IP6K1: variants seen among roughly 807,000 people sequenced by gnomAD.
IP6K1 encodes ATP:1D-myo-inositol-hexakisphosphate phosphotransferase.
In IP6K1, 13 loss-of-function variants were observed where a neutral mutation model predicts 38.3. That is an observed-to-expected ratio of 0.34 (90% CI 0.22 to 0.54). The LOEUF (loss-of-function observed/expected upper bound fraction) is 0.54, where lower values mean the gene tolerates loss of function less well. IP6K1 is among the 20% of genes least tolerant of loss of function. The pLI, the probability that IP6K1 is intolerant of heterozygous loss-of-function variation, is 0.92. For missense variants in IP6K1, 397 were observed against 599.8 expected, an observed-to-expected ratio of 0.66 and a Z score of 3.53; for synonymous variants, 212 against 229.9, an observed-to-expected ratio of 0.92 and a Z score of 0.70.
chr3:49,786,001 T>C (rs943246025), intron 1 of IP6K1: 1 of 152,408 alleles, frequency 6.6e-6, no homozygotes, highest in South Asian at 2.1e-4. Context: ...GGTAAGTCTA[T>C]TTCTCAGCCA....
chr3:49,735,517 G>A (rs1030207554), intron 3 of IP6K1, among the ~76,000 whole-genome samples: 27 of 152,226 alleles, frequency 1.8e-4, no homozygotes, highest in African/African-American at 6.5e-4. Context: ...GAGTGAAGGG[G>A]AAGCACTAGA....
intron 3 of IP6K1, among the ~76,000 whole-genome samples, chr3:49,733,775 C>T (rs572055855): frequency 6.6e-6 from 1 of 152,302 alleles, no homozygotes; most frequent in African/African-American, 2.4e-5. Context: ...AGTTGCACAA[C>T]AATGTGAATG....
intron 2 of IP6K1, among the ~76,000 whole-genome samples, chr3:49,743,236 CA>C (rs750641143): frequency 0.044 from 4,958 of 111,948 alleles, 96 homozygotes; most frequent in African/African-American, 0.048. Flanking sequence ...AAAACAAAAA[CA>C]AAATACACAC....
At chr3:49,780,239 A>G (rs966870343) in intron 1 of IP6K1, among the ~76,000 whole-genome samples, 4 of 151,326 alleles carry the variant, frequency 2.6e-5, no homozygotes, top group Non-Finnish European at 5.9e-5. Flanking sequence ...ATCAAAGCTC[A>G]TTTGTTACAT....
intron 1 of IP6K1, among the ~76,000 whole-genome samples, chr3:49,757,364 T>G: frequency 6.6e-6 from 1 of 152,228 alleles, no homozygotes. Flanking sequence ...CTAAGGTTAC[T>G]GGGAGAATGG....
chr3:49,732,195 G>T (rs968676983), intron 4 of IP6K1, among the ~76,000 whole-genome samples: 1 of 152,098 alleles, frequency 6.6e-6, no homozygotes, highest in Non-Finnish European at 1.5e-5. Context: ...CTCCCAAAGT[G>T]CTGGGATTAC....
intron 1 of IP6K1, among the ~76,000 whole-genome samples, chr3:49,757,284 T>C (rs1391194128): frequency 6.6e-6 from 1 of 152,216 alleles, no homozygotes; most frequent in Non-Finnish European, 1.5e-5. Flanking sequence ...ACTATCCTAC[T>C]GTAGCTTAAC....
chr3:49,732,903 A>G lies in IP6K1; in HGVS notation c.504T>C (p.Asp168=). Residue 168 remains aspartate, a synonymous_variant, in exon 4 of 6, where the codon GAT becomes GAC. Transcript: ENST00000321599. ...TCTCAGAACTCAAGCCACTGTTGCC[A>G]TCTAGCATCTGGAAAGGGACCTCTG... The part of the protein sequence containing the change: ...SHSEVPFQML[D]GNSGLSSEKI... 6.2e-7 allele frequency: 1 copy of G among 1,614,132 alleles called. No individual in the cohort carries two copies. The highest frequency in any genetic ancestry group is 1.6e-4 in the Middle Eastern group (1 of 6,062).
chr3:49,773,435 C>A (rs1375031789), intron 1 of IP6K1, among the ~76,000 whole-genome samples: 2 of 152,076 alleles, frequency 1.3e-5, no homozygotes, highest in African/African-American at 4.8e-5. Context: ...ACAGTGAAAC[C>A]CCATCTCTAC....
At chr3:49,758,743 C>T (rs1457373590) in intron 1 of IP6K1, 1 of 152,158 alleles carries the variant, frequency 6.6e-6, no homozygotes, top group Non-Finnish European at 1.5e-5. Context: ...AGGCAGATCA[C>T]CTGAGGTCAG....
intron 1 of IP6K1, among the ~76,000 whole-genome samples, chr3:49,766,448 G>C (rs2080911935): frequency 6.6e-6 from 1 of 151,836 alleles, no homozygotes; most frequent in South Asian, 2.1e-4. Flanking sequence ...TGGCTCACTT[G>C]AGGTCAGGAG....
rs528787812 is a variant in IP6K1 at position 49,765,731 on chromosome 3, T to C, written c.-128-17563A>G. Among the ~76,000 whole-genome samples, 21 of 150,250 alleles carry C rather than the reference T, an allele frequency of 1.4e-4. No individual in the cohort carries two copies. The South Asian group carries it at 2.3e-3, about 16-fold the overall frequency. On this transcript the variant is annotated intron_variant, in intron 1 of 5. Transcript: ENST00000321599. ...TTTCATATACCACTTAATAGTCAAC[T>C]GATACATAAACTATGTAAAAATCTA... is the stretch of plus-strand genomic sequence containing the variant.
chr3:49,735,831 C>T (rs890363238), intron 3 of IP6K1, among the ~76,000 whole-genome samples: 8 of 152,214 alleles, frequency 5.3e-5, no homozygotes, highest in Non-Finnish European at 1.0e-4. Context: ...GTGAACTGAT[C>T]TGATATCACA....
At chr3:49,778,920 C>T (rs1184339776) in intron 1 of IP6K1, among the ~76,000 whole-genome samples, 2 of 152,188 alleles carry the variant, frequency 1.3e-5, no homozygotes, top group African/African-American at 4.8e-5. Flanking sequence ...CCACCATGTC[C>T]AGCCAATACG....
chr3:49,779,373 G>C (rs1258602879), intron 1 of IP6K1, among the ~76,000 whole-genome samples: 3 of 152,166 alleles, frequency 2.0e-5, no homozygotes, highest in African/African-American at 7.2e-5. Flanking sequence ...TCAGTTGATG[G>C]ACATTTGGGT....
In IP6K1 at chr3:49,756,500, G is replaced by GAAATCA. The variant is rs150733222; in HGVS notation, c.-128-8338_-128-8333dup. Among the ~76,000 whole-genome samples, 413 of 152,248 alleles carry GAAATCA rather than the reference G, an allele frequency of 2.7e-3. 2 individuals are homozygous for GAAATCA. The highest frequency in any genetic ancestry group is 9.7e-3 in the African/African-American group (403 of 41,538). On this transcript the variant is annotated intron_variant, in intron 1 of 5. Coordinates refer to ENST00000321599, the MANE Select transcript of IP6K1 (RefSeq NM_153273.4). ...AACTGACGTTCAAAGTGATACAGGG[G>GAAATCA]AAATCAAAATGAAATGCACAAAAAG...
At chr3:49,745,979 A>G (rs1191241760) in intron 2 of IP6K1, among the ~76,000 whole-genome samples, 1 of 152,216 alleles carries the variant, frequency 6.6e-6, no homozygotes, top group Non-Finnish European at 1.5e-5. Context: ...CATTCGTTAG[A>G]CATTAGGAAA....
chr3:49,769,489 C>T (rs572273801), intron 1 of IP6K1, among the ~76,000 whole-genome samples: 93 of 152,206 alleles, frequency 6.1e-4, no homozygotes, highest in Admixed American at 1.4e-3. Context: ...TTTTTGCCAG[C>T]GACAAATCAG....
At chr3:49,766,254 T>C (rs187827052) in intron 1 of IP6K1, among the ~76,000 whole-genome samples, 4 of 151,886 alleles carry the variant, frequency 2.6e-5, no homozygotes, top group Admixed American at 2.0e-4. Flanking sequence ...AGTCCCAGCA[T>C]CTCGGGAGTC....
Sources: gnomAD v4.1 joint callset for allele counts (sites outside exome capture counted in the v4.1 genomes callset) on GRCh38, gnomAD v4.1.1 for gene constraint, MANE v1.5 for transcripts, NCBI Gene and HGNC (gene_info 2026-07-23, HGNC 2026-07-21) for gene names.